The following IQCM variants were observed in gnomAD, a reference collection of about 807,000 sequenced individuals.
The protein encoded by IQCM is IQ motif containing M, also known as IQ domain-containing protein M.
IQCM carries 45 observed loss-of-function variants against 57.6 expected under a neutral mutation model. That is an observed-to-expected ratio of 0.78 (90% CI 0.62 to 1.00). The LOEUF (loss-of-function observed/expected upper bound fraction) is 1.00. IQCM is among the 50% of genes least tolerant of loss of function. The pLI is 0.00. For missense variants in IQCM, 468 were observed against 511.6 expected (o/e 0.91, Z 0.82); for synonymous variants, 148 against 158.9 (o/e 0.93, Z 0.51).
At chr4:149,641,249 G>A (rs1758164626) in intron 7 of IQCM, among the ~76,000 whole-genome samples, 1 of 152,114 alleles carries the variant, frequency 6.6e-6, no homozygotes, top group Non-Finnish European at 1.5e-5. Context: ...TATTTAGCCA[G>A]TTTATTTAAT....
chr4:149,377,062 T>A (rs994246676), intron 13 of IQCM, among the ~76,000 whole-genome samples: 8 of 152,158 alleles, frequency 5.3e-5, no homozygotes, highest in African/African-American at 1.7e-4. Flanking sequence ...TAATATTTTA[T>A]AGACCATTCT....
chr4:149,596,320 T>C (rs1417954586), intron 8 of IQCM, among the ~76,000 whole-genome samples: 1 of 152,168 alleles, frequency 6.6e-6, no homozygotes, highest in African/African-American at 2.4e-5. Flanking sequence ...GTTTAATGCA[T>C]GGCTGAGCTG....
chr4:149,638,458 T>C (rs184717738), intron 7 of IQCM, among the ~76,000 whole-genome samples: 1 of 151,972 alleles, frequency 6.6e-6, no homozygotes. Flanking sequence ...AAACAAATGC[T>C]GGTAGAAGCT....
At chr4:149,406,335 G>T (rs1284116649) in intron 13 of IQCM, among the ~76,000 whole-genome samples, 1 of 152,102 alleles carries the variant, frequency 6.6e-6, no homozygotes, top group African/African-American at 2.4e-5. Flanking sequence ...ACCAGTCAGG[G>T]AGGTAAGAAA....
chr4:149,731,523 T>G (rs1291357533), intron 5 of IQCM, among the ~76,000 whole-genome samples: 2 of 152,222 alleles, frequency 1.3e-5, no homozygotes, highest in African/African-American at 4.8e-5. Flanking sequence ...GTCTCTAAAT[T>G]TCTACCCCAT....
rs570295299 is a variant in IQCM at position 149,715,863 on chromosome 4, G to A, written c.385+17381C>T. On this transcript the variant is annotated intron_variant, in intron 5 of 13. Coordinates refer to ENST00000636793, the MANE Select transcript of IQCM (RefSeq NM_001363507.2). ...CATCAATGTCTCTGCAGCCCTCAGGGGAGATGAGACCAGTAGTGGGTGGCT... is the reference window on the plus strand; with the variant it reads ...CATCAATGTCTCTGCAGCCCTCAGGAGAGATGAGACCAGTAGTGGGTGGCT... 3.3e-5 allele frequency among the ~76,000 whole-genome samples: 5 copies of A among 152,328 alleles called. No individual in the cohort carries two copies. The South Asian group carries it at 1.0e-3, about 32-fold the overall frequency.
intron 3 of IQCM, 81 bp from the exon 4 acceptor site, chr4:149,735,539 A>G: frequency 1.9e-6 from 1 of 533,864 alleles, no homozygotes; most frequent in Non-Finnish European, 2.9e-6. Context: ...AAAGGAAGCA[A>G]AAGAAATACA....
chr4:149,502,109 T>C (rs2149793373), intron 12 of IQCM, among the ~76,000 whole-genome samples: 1 of 151,776 alleles, frequency 6.6e-6, no homozygotes, highest in East Asian at 1.9e-4. Flanking sequence ...CATGAATAGA[T>C]TTCTCTCATT....
At chr4:149,602,237 T>C (rs890206175) in intron 8 of IQCM, among the ~76,000 whole-genome samples, 1 of 152,064 alleles carries the variant, frequency 6.6e-6, no homozygotes, top group African/African-American at 2.4e-5. Flanking sequence ...CAAAAAATAG[T>C]ATGCCACTTT....
intron 12 of IQCM, among the ~76,000 whole-genome samples, chr4:149,523,283 T>G (rs1161181668): frequency 6.6e-6 from 1 of 152,004 alleles, no homozygotes; most frequent in Admixed American, 6.6e-5. Context: ...AGCATACAAA[T>G]TTTGGGGAAA....
At chr4:149,393,259 A>G (rs1731988708) in intron 13 of IQCM, among the ~76,000 whole-genome samples, 1 of 152,014 alleles carries the variant, frequency 6.6e-6, no homozygotes, top group African/African-American at 2.4e-5. Flanking sequence ...CTGGAGATTA[A>G]AAATATAATG....
intron 7 of IQCM, among the ~76,000 whole-genome samples, chr4:149,656,663 C>T (rs561548719): frequency 6.6e-6 from 1 of 152,104 alleles, no homozygotes; most frequent in East Asian, 1.9e-4. Flanking sequence ...ATCAGAAGAC[C>T]GGGAAAAACA....
At chr4:149,618,719 C>A (rs1210435463) in intron 8 of IQCM, among the ~76,000 whole-genome samples, 1 of 151,976 alleles carries the variant, frequency 6.6e-6, no homozygotes, top group Admixed American at 6.6e-5. Flanking sequence ...AAGCAGCCAA[C>A]AAACATATGA....
intron 13 of IQCM, among the ~76,000 whole-genome samples, chr4:149,368,026 C>T (rs547521212): frequency 7.0e-4 from 107 of 152,054 alleles, no homozygotes; most frequent in African/African-American, 2.4e-3. Flanking sequence ...TTGTATCAAA[C>T]CTCTGCCTTC....
intron 8 of IQCM, among the ~76,000 whole-genome samples, chr4:149,594,006 T>C (rs532487824): frequency 6.6e-6 from 1 of 152,312 alleles, no homozygotes; most frequent in African/African-American, 2.4e-5. Flanking sequence ...CTTTTTCTAT[T>C]GATTGGAATC....
intron 13 of IQCM, among the ~76,000 whole-genome samples, chr4:149,379,411 C>T (rs1276366794): frequency 2.0e-5 from 3 of 152,158 alleles, no homozygotes; most frequent in Non-Finnish European, 4.4e-5. Context: ...CCCACAAAGC[C>T]ATAGAAGTGG....
At chr4:149,400,375 G>A (rs1260629864) in intron 13 of IQCM, among the ~76,000 whole-genome samples, 2 of 152,020 alleles carry the variant, frequency 1.3e-5, no homozygotes, top group African/African-American at 4.8e-5. Context: ...GACAATGTGA[G>A]TGCCTTATGG....
chr4:149,535,582 C>T (rs2149863416), intron 12 of IQCM, among the ~76,000 whole-genome samples: 1 of 152,108 alleles, frequency 6.6e-6, no homozygotes, highest in Non-Finnish European at 1.5e-5. Flanking sequence ...CATTCTAAAG[C>T]CCCCGCTGTT....
intron 5 of IQCM, among the ~76,000 whole-genome samples, chr4:149,712,017 T>C (rs142191850): frequency 4.4e-3 from 671 of 152,302 alleles, no homozygotes; most frequent in Non-Finnish European, 7.7e-3. Flanking sequence ...TTAACTGCAA[T>C]GGGACCAAAA....
Sources: allele counts gnomAD v4.1 joint callset (sites outside exome capture counted in the v4.1 genomes callset), GRCh38; gene constraint gnomAD v4.1.1; transcripts MANE v1.5; gene names NCBI Gene and HGNC (gene_info 2026-07-23, HGNC 2026-07-21).